Variants in IRAK3 observed in about 807,000 individuals in gnomAD.
IRAK3 encodes the protein interleukin-1 receptor-associated kinase 3.
A neutral mutation model predicts 56.6 loss-of-function variants in IRAK3; 57 were observed. The ratio of observed to expected loss-of-function variants is 1.01; its 90% CI spans 0.81 to 1.26. The LOEUF (loss-of-function observed/expected upper bound fraction) is 1.26, where lower values mean the gene tolerates loss of function less well. IRAK3 is among the 50% of genes most tolerant of loss of function. The pLI is 0.00. For missense variants in IRAK3, 703 were observed against 719.0 expected, an observed-to-expected ratio of 0.98 and a Z score of 0.25; for synonymous variants, 258 against 255.7, an observed-to-expected ratio of 1.01 and a Z score of -0.09.
intron 8 of IRAK3, among the ~76,000 whole-genome samples, chr12:66,242,604 T>C (rs1212568589): frequency 6.6e-6 from 1 of 152,150 alleles, no homozygotes; most frequent in Non-Finnish European, 1.5e-5. Flanking sequence ...ACTGTGCTCA[T>C]TGATACGAGC....
chr12:66,235,473 C>T (rs1414103762), intron 8 of IRAK3, among the ~76,000 whole-genome samples: 1 of 151,650 alleles, frequency 6.6e-6, no homozygotes, highest in East Asian at 1.9e-4. Context: ...CCCCTCCGCA[C>T]TCGTCTAAAA....
At chr12:66,232,300 T>C in intron 8 of IRAK3, among the ~76,000 whole-genome samples, 1 of 152,184 alleles carries the variant, frequency 6.6e-6, no homozygotes, top group East Asian at 1.9e-4. Context: ...GCTGTGGGCA[T>C]TTGTTTGAGA....
intron 8 of IRAK3, chr12:66,234,593 G>A (rs1469560605): frequency 6.2e-7 from 1 of 1,611,510 alleles, no homozygotes; most frequent in African/African-American, 1.3e-5. Flanking sequence ...GTATTTGTTT[G>A]GGTTCTGTCT....
chr12:66,220,514 CTTTTTTTTT>C (rs1555203808), intron 6 of IRAK3, among the ~76,000 whole-genome samples: 6 of 67,352 alleles, frequency 8.9e-5, no homozygotes, highest in South Asian at 5.6e-4. Context: ...GTTCTTCTTT[CTTTTTTTTT>C]TTTTTTTTTT....
chr12:66,248,209 T>C lies in IRAK3; in HGVS notation c.*38T>C, dbSNP rs1565814029. ...GATAAAGAAAAAAGCAAGTATTGCA[T>C]AGGCACCTGAGCATAGGTATGACCT... On this transcript the variant is annotated 3_prime_UTR_variant, in exon 12 of 12. Coordinates refer to ENST00000261233, the MANE Select transcript of IRAK3 (RefSeq NM_007199.3). 2 of 1,453,026 alleles carry C rather than the reference T, an allele frequency of 1.4e-6. No individual in the cohort carries two copies. The highest frequency in any genetic ancestry group is 1.7e-5 in the Admixed American group (1 of 59,570). The allele number at this position is 1,453,026 out of a possible 1,614,324, so 90.0% of individuals were successfully genotyped here. A position where few individuals can be genotyped will look rare whatever the true frequency, so the allele number is the denominator to read the frequency against.
chr12:66,204,761 T>C (rs1021393762), intron 2 of IRAK3, among the ~76,000 whole-genome samples: 1 of 145,376 alleles, frequency 6.9e-6, no homozygotes, highest in Admixed American at 7.1e-5. Flanking sequence ...ATATATTTAG[T>C]GCGCATGAGC....
intron 8 of IRAK3, chr12:66,234,150 C>T (rs2052876841): frequency 4.3e-6 from 7 of 1,614,212 alleles, no homozygotes; most frequent in African/African-American, 1.3e-5. Context: ...CCACTTGCCT[C>T]CTCAACAGGA....
chr12:66,215,764 G>A (rs1022049677), intron 5 of IRAK3, among the ~76,000 whole-genome samples: 10 of 91,082 alleles, frequency 1.1e-4, no homozygotes, highest in South Asian at 3.5e-4. Context: ...TTTTATCTCC[G>A]CCCCCTATTT....
At chr12:66,229,184 A>G (rs1193191968) in intron 8 of IRAK3, among the ~76,000 whole-genome samples, 2 of 152,222 alleles carry the variant, frequency 1.3e-5, no homozygotes, top group Admixed American at 1.3e-4. Flanking sequence ...CTGTCTCATA[A>G]CTTTATATAT....
chr12:66,227,367 C>T (rs1277032855), intron 7 of IRAK3, among the ~76,000 whole-genome samples: 5 of 151,990 alleles, frequency 3.3e-5, no homozygotes, highest in Admixed American at 2.0e-4. Context: ...GCGAGTTGGG[C>T]GAATCACAAG....
chr12:66,220,097 T>G (rs1168647), intron 6 of IRAK3, among the ~76,000 whole-genome samples: 95,508 of 151,986 alleles, frequency 0.63, 30,341 homozygotes, highest in Admixed American at 0.68. Context: ...CTATGCTTTT[T>G]GTGTCATAGC....
chr12:66,247,559 C>A (rs2053047701), intron 11 of IRAK3, 136 bp from the exon 12 acceptor site: 3 of 657,354 alleles, frequency 4.6e-6, no homozygotes, highest in Non-Finnish European at 7.9e-6. Flanking sequence ...TCTTTAAGAT[C>A]CCTTCTAATT....
In IRAK3 at chr12:66,209,465, T is replaced by C. The variant is rs768670292; in HGVS notation, c.326T>C (p.Leu109Ser). Residue 109 changes from leucine to serine, a missense_variant, in exon 3 of 12, where the codon TTG becomes TCG. By Grantham distance (145) the Leu-to-Ser change is moderately radical. Coordinates refer to ENST00000261233, the MANE Select transcript of IRAK3 (RefSeq NM_007199.3). Reference sequence around the variant, plus strand: ...CATATTTCTCTTTCAGGAGCAGTGTTGAGTCCTTCAGAGAAGAGTTATCAG... The same window carrying C: ...CATATTTCTCTTTCAGGAGCAGTGTCGAGTCCTTCAGAGAAGAGTTATCAG... Reference protein sequence around the residue: ...IHLITNYGAVLSPSEKSYQEG... With the variant: ...IHLITNYGAVSSPSEKSYQEG... The C allele has an allele frequency of 4.4e-6, 7 of 1,604,074 alleles. No homozygotes were observed. Among genetic ancestry groups the C allele is most frequent in the Non-Finnish European group, 6.0e-6 (7 of 1,171,114 alleles).
intron 1 of IRAK3, chr12:66,197,201 C>G: frequency 8.0e-7 from 1 of 1,255,252 alleles, no homozygotes; most frequent in Middle Eastern, 2.1e-4. Context: ...TAACTAACAG[C>G]ATGTTTTTCT....
chr12:66,235,982 T>C (rs2052903523), intron 8 of IRAK3, among the ~76,000 whole-genome samples: 1 of 152,184 alleles, frequency 6.6e-6, no homozygotes, highest in South Asian at 2.1e-4. Flanking sequence ...TTGGAAAAAG[T>C]TCCAAAAGAC....
chr12:66,226,633 C>T, intron 6 of IRAK3, 90 bp from the exon 7 acceptor site: 1 of 775,668 alleles, frequency 1.3e-6, no homozygotes, highest in Non-Finnish European at 2.3e-6. Context: ...GCCTATTCCC[C>T]ATCCCACCTT....
In IRAK3 at chr12:66,252,881, G is replaced by A. The variant is rs1592609660; in HGVS notation, c.*4710G>A. The stretch of plus-strand genomic sequence containing the variant: ...ACAGATTCTATTCTTCTATTGGTAT[G>A]TGGTTTCTTTGGGGCATTTGTTTGG... On this transcript the variant is annotated 3_prime_UTR_variant, in exon 12 of 12. Coordinates refer to ENST00000261233, the MANE Select transcript of IRAK3 (RefSeq NM_007199.3). The A allele has an allele frequency of 2.0e-5, 3 of 152,282 alleles. No homozygotes were observed. Among genetic ancestry groups the A allele is most frequent in the Admixed American group, 6.5e-5 (1 of 15,270 alleles). The allele number at this position is 152,282 out of a possible 1,614,324, so 9.4% of individuals were successfully genotyped here. A position where few individuals can be genotyped will look rare whatever the true frequency, so the allele number is the denominator to read the frequency against.
chr12:66,243,903 C>G (rs2136952249), intron 8 of IRAK3, among the ~76,000 whole-genome samples: 1 of 152,272 alleles, frequency 6.6e-6, no homozygotes, highest in East Asian at 1.9e-4. Context: ...GTGACAACTG[C>G]TTATATTGAC....
In IRAK3 at chr12:66,244,562, G is replaced by C. The variant is rs2053007101; in HGVS notation, c.964G>C (p.Glu322Gln). The C allele has an allele frequency of 6.2e-7, 1 of 1,614,010 alleles. No homozygotes were observed. Among genetic ancestry groups the C allele is most frequent in the Non-Finnish European group, 8.5e-7 (1 of 1,179,928 alleles). ...CATGGCACACTTCCGGTCCCACCTA[G>C]AACATCAGAGTTGTACCATAAATAT... is the stretch of plus-strand genomic sequence containing the variant. The part of the protein sequence containing the change: ...FAMAHFRSHL[E>Q]HQSCTINMTS... The change falls in exon 9 of 12, where the codon GAA becomes CAA. Residue 322 changes from glutamate to glutamine, a missense_variant. Physicochemically the swap from Glu to Gln is conservative, Grantham distance 29. Transcript: ENST00000261233.
Sources: gnomAD v4.1 joint callset for allele counts (sites outside exome capture counted in the v4.1 genomes callset) on GRCh38, gnomAD v4.1.1 for gene constraint, MANE v1.5 for transcripts, NCBI Gene and HGNC (gene_info 2026-07-23, HGNC 2026-07-21) for gene names.